Variants in EGFLAM observed in about 807,000 individuals in gnomAD.
EGFLAM encodes the protein pikachurin.
EGFLAM carries 79 observed loss-of-function variants against 113.1 expected under a neutral mutation model. The ratio of observed to expected loss-of-function variants is 0.70; its 90% CI spans 0.58 to 0.84. The LOEUF (loss-of-function observed/expected upper bound fraction) is 0.84, where lower values mean the gene tolerates loss of function less well. Among genes scored for constraint, EGFLAM ranks in the 40% least tolerant of loss-of-function variants. The pLI is 0.00. For synonymous variants in EGFLAM, 504 were observed against 487.6 expected, an observed-to-expected ratio of 1.03 and a Z score of -0.44; for missense variants, 1,265 against 1,291.6, an observed-to-expected ratio of 0.98 and a Z score of 0.32.
At chr5:38,299,348 C>A (rs758976227) in intron 1 of EGFLAM, among the ~76,000 whole-genome samples, 5 of 152,170 alleles carry the variant, frequency 3.3e-5, no homozygotes, top group Non-Finnish European at 7.3e-5. Flanking sequence ...GAAGCCACAG[C>A]CCAGTGAGAA....
chr5:38,463,866 G>A lies in EGFLAM; in HGVS notation c.2910G>A (p.Arg970=), dbSNP rs368105595. 7.2e-5 allele frequency: 116 copies of A among 1,613,976 alleles called. No homozygotes were observed. Among genetic ancestry groups the A allele is most frequent in the Non-Finnish European group, 9.0e-5 (106 of 1,180,024 alleles). The stretch of plus-strand genomic sequence containing the variant: ...AGGAAATTGCTCTGCACACTAACAG[G>A]CAATATATGAGAGGGCTCGTGGGCT... ...GMKEIALHTN[R]QYMRGLVGCI... is the part of the protein sequence containing the mutation. The change falls in exon 22 of 22, where the codon AGG becomes AGA. Residue 970 remains arginine (R), a synonymous_variant. Coordinates refer to ENST00000322350, the MANE Select transcript of EGFLAM (RefSeq NM_152403.4).
intron 21 of EGFLAM, 102 bp from the exon 22 acceptor site, chr5:38,463,730 C>T (rs970460900): frequency 2.8e-6 from 4 of 1,428,830 alleles, no homozygotes; most frequent in African/African-American, 2.8e-5. Flanking sequence ...TCAAGGGATG[C>T]CTTGGCCAGC....
At chr5:38,421,383 A>T (rs1579907405) in intron 12 of EGFLAM, among the ~76,000 whole-genome samples, 1 of 152,164 alleles carries the variant, frequency 6.6e-6, no homozygotes, top group Non-Finnish European at 1.5e-5. Flanking sequence ...ATTTATGCCA[A>T]TCCCATCTTG....
chr5:38,258,608 C>G lies in EGFLAM; in HGVS notation c.-147C>G. 2.3e-6 allele frequency: 2 copies of G among 870,310 alleles called. No homozygotes were observed. The highest frequency in any genetic ancestry group is 1.8e-6 in the Non-Finnish European group (1 of 541,702). The allele number at this position is 870,310 out of a possible 1,614,324, so 53.9% of individuals were successfully genotyped here. On this transcript the variant is annotated 5_prime_UTR_variant, in exon 1 of 22. Coordinates refer to ENST00000322350, the MANE Select transcript of EGFLAM (RefSeq NM_152403.4). ...TGCAGTCCTACCTCTTGGAACTACC[C>G]GTGTTTCCGGGCCCAGCCCTCGCAG...
intron 19 of EGFLAM, among the ~76,000 whole-genome samples, chr5:38,452,039 T>TCA (rs1742935152): frequency 6.9e-6 from 1 of 145,182 alleles, no homozygotes; most frequent in Admixed American, 6.7e-5. Context: ...AACAGGACTT[T>TCA]TTTTTTTTTT....
At chr5:38,419,024 A>G (rs1741745516) in intron 12 of EGFLAM, among the ~76,000 whole-genome samples, 1 of 152,126 alleles carries the variant, frequency 6.6e-6, no homozygotes. Flanking sequence ...GTGCCAGCCA[A>G]TTTGGTTCCT....
chr5:38,317,889 A>C (rs939223094), intron 1 of EGFLAM, among the ~76,000 whole-genome samples: 2 of 151,896 alleles, frequency 1.3e-5, no homozygotes, highest in Admixed American at 1.3e-4. Context: ...TAGATTAGAC[A>C]GCTCCTCACC....
chr5:38,327,334 A>G (rs957725085), intron 1 of EGFLAM, among the ~76,000 whole-genome samples: 3 of 152,130 alleles, frequency 2.0e-5, no homozygotes, highest in Admixed American at 2.0e-4. Flanking sequence ...ATGTCTTTTG[A>G]TCTTTGGATG....
chr5:38,394,645 G>A lies in EGFLAM; in HGVS notation c.713-11481G>A, dbSNP rs1050548273. Reference sequence around the variant, plus strand: ...AGGATGGTCTCGATCTCCTGACCTCGTGATCCACCCGCCTCGGCCTCCCAA... The same window carrying A: ...AGGATGGTCTCGATCTCCTGACCTCATGATCCACCCGCCTCGGCCTCCCAA... On this transcript the variant is annotated intron_variant, in intron 6 of 21. Coordinates refer to ENST00000322350, the MANE Select transcript of EGFLAM (RefSeq NM_152403.4). 1.2e-3 allele frequency among the ~76,000 whole-genome samples: 185 copies of A among 150,502 alleles called. 3 individuals are homozygous for A. The highest frequency in any genetic ancestry group is 3.4e-4 in the Non-Finnish European group (23 of 67,784).
In EGFLAM at chr5:38,464,233, A is replaced by G; in HGVS notation, c.*247A>G. 6.1e-6 allele frequency: 3 copies of G among 495,530 alleles called. No homozygotes were observed. Among genetic ancestry groups the G allele is most frequent in the South Asian group, 3.4e-5 (1 of 29,056 alleles). The allele number at this position is 495,530 out of a possible 1,614,324, so 30.7% of individuals were successfully genotyped here. A position where few individuals can be genotyped will look rare whatever the true frequency, so the allele number is the denominator to read the frequency against. On this transcript the variant is annotated 3_prime_UTR_variant, in exon 22 of 22. Transcript: ENST00000322350. ...AGGAAGCATCGGACTTTGTCCATTGAATATGTAGCGGCTGCCAGAGATCAC... is the reference window on the plus strand; with the variant it reads ...AGGAAGCATCGGACTTTGTCCATTGGATATGTAGCGGCTGCCAGAGATCAC...
chr5:38,394,510 C>T (rs567650712), intron 6 of EGFLAM, among the ~76,000 whole-genome samples: 276 of 150,816 alleles, frequency 1.8e-3, no homozygotes, highest in South Asian at 3.6e-3. Context: ...CCCGGGTTCA[C>T]GCCATTCTCC....
intron 5 of EGFLAM, among the ~76,000 whole-genome samples, chr5:38,359,553 T>C (rs1310951533): frequency 6.6e-6 from 1 of 152,182 alleles, no homozygotes; most frequent in Non-Finnish European, 1.5e-5. Context: ...CACACACCTG[T>C]AATCCCAGCT....
intron 1 of EGFLAM, among the ~76,000 whole-genome samples, chr5:38,287,507 GACCAC>G (rs1758196318): frequency 6.6e-6 from 1 of 152,204 alleles, no homozygotes; most frequent in Non-Finnish European, 1.5e-5. Flanking sequence ...GAGTAGCTGG[GACCAC>G]AGGTGTGCAC....
At position 38,426,976 on chromosome 5, in the gene EGFLAM, G is replaced by A. The variant is rs761229442; in HGVS notation, c.1811-33G>A. ...GCACATCTGGCCAGTTTCTGCCACA[G>A]AGGGATTTCTAACACCATGCTTGTT... On this transcript the variant is annotated intron_variant, in intron 13 of 21. Transcript: ENST00000322350. 5 of 1,609,972 alleles carry A rather than the reference G, an allele frequency of 3.1e-6. No homozygotes were observed. The South Asian group carries it at 4.4e-5, about 14-fold the overall frequency.
intron 5 of EGFLAM, among the ~76,000 whole-genome samples, chr5:38,360,629 G>A (rs1739894602): frequency 6.6e-6 from 1 of 152,076 alleles, no homozygotes; most frequent in Admixed American, 6.6e-5. Flanking sequence ...ACAGAATGGG[G>A]ATAATAATTT....
rs147130370 is a variant in EGFLAM at position 38,359,232 on chromosome 5, G to A, written c.545+6901G>A. On this transcript the variant is annotated intron_variant, in intron 5 of 21. Transcript: ENST00000322350. ...CCATGCCTGTCGTATGCTGTCTATCGAGTTGGATAAACATGAAAAATAGTT... is the reference window on the plus strand; with the variant it reads ...CCATGCCTGTCGTATGCTGTCTATCAAGTTGGATAAACATGAAAAATAGTT... Among the ~76,000 whole-genome samples the A allele has an allele frequency of 4.3e-4, 66 of 152,242 alleles. No individual in the cohort carries two copies. In the East Asian group the frequency reaches 0.012, roughly 27 times the overall value.
At chr5:38,419,200 A>G (rs1359729225) in intron 12 of EGFLAM, among the ~76,000 whole-genome samples, 1 of 152,174 alleles carries the variant, frequency 6.6e-6, no homozygotes, top group Non-Finnish European at 1.5e-5. Flanking sequence ...ACCTCAATTA[A>G]CCTTAAATAC....
chr5:38,332,982 C>T (rs1739084858), intron 1 of EGFLAM, among the ~76,000 whole-genome samples: 1 of 152,184 alleles, frequency 6.6e-6, no homozygotes, highest in African/African-American at 2.4e-5. Flanking sequence ...ACCCCAGCGT[C>T]TGTTGTTTCC....
intron 1 of EGFLAM, among the ~76,000 whole-genome samples, chr5:38,276,452 A>G (rs1757887850): frequency 6.6e-6 from 1 of 152,230 alleles, no homozygotes; most frequent in Admixed American, 6.5e-5. Flanking sequence ...TATTTTAGCA[A>G]TAAATGCCTA....
Sources: allele counts gnomAD v4.1 joint callset (sites outside exome capture counted in the v4.1 genomes callset), GRCh38; gene constraint gnomAD v4.1.1; transcripts MANE v1.5; gene names NCBI Gene and HGNC (gene_info 2026-07-23, HGNC 2026-07-21).